The following PDS5B variants were observed in gnomAD, a reference collection of about 807,000 sequenced individuals.
The protein encoded by PDS5B is sister chromatid cohesion protein PDS5 homolog B.
Under a neutral mutation model 184.1 loss-of-function variants are expected in PDS5B, and 51 were observed. That is an observed-to-expected ratio of 0.28 (90% CI 0.22 to 0.35). The LOEUF (loss-of-function observed/expected upper bound fraction) is 0.35. Ranked by LOEUF, PDS5B falls within the 10% of genes least tolerant of loss-of-function variation. The pLI is 1.00. For synonymous variants in PDS5B, 566 were observed against 569.2 expected, an observed-to-expected ratio of 0.99 and a Z score of 0.08; for missense variants, 1,180 against 1,723.3, an observed-to-expected ratio of 0.68 and a Z score of 5.58.
chr13:32,709,832 A>G, intron 18 of PDS5B, 114 bp from the exon 19 acceptor site: 1 of 540,000 alleles, frequency 1.9e-6, no homozygotes, highest in Non-Finnish European at 2.9e-6. Context: ...ATTTTGGTCA[A>G]CATAATTTTT....
intron 14 of PDS5B, 135 bp downstream of exon 14, chr13:32,694,439 A>G: frequency 1.5e-6 from 1 of 647,996 alleles, no homozygotes; most frequent in Non-Finnish European, 2.7e-6. Flanking sequence ...TTCCTTGTTT[A>G]GAAAACTCTG....
In PDS5B at chr13:32,732,152, A is replaced by G. The variant is rs750276059; in HGVS notation, c.2175A>G (p.Gln725=). The change falls in exon 20 of 35, where the codon CAA becomes CAG. Residue 725 remains glutamine, a synonymous_variant. Coordinates refer to ENST00000315596, the MANE Select transcript of PDS5B (RefSeq NM_015032.4). ...AATCTAAAAAAGGACCCCCCCGTCA[A>G]GCCAAATATGCCATTCATTGTATCC... ...HHKSKKGPPR[Q]AKYAIHCIHA... is the part of the protein sequence containing the mutation. 4 of 1,609,002 alleles carry G rather than the reference A, an allele frequency of 2.5e-6. No individual in the cohort carries two copies. The East Asian group carries it at 6.7e-5, about 27-fold the overall frequency.
intron 1 of PDS5B, among the ~76,000 whole-genome samples, chr13:32,614,801 C>T (rs1379268281): frequency 6.6e-6 from 1 of 152,184 alleles, no homozygotes; most frequent in African/African-American, 2.4e-5. Flanking sequence ...CTCCAAATGT[C>T]AGGTTCTTTC....
At position 32,673,309 on chromosome 13, in the gene PDS5B, A is replaced by G. The variant is rs746005102; in HGVS notation, c.799A>G (p.Ser267Gly). The change falls in exon 8 of 35, where the codon AGT (serine) becomes GGT (glycine). Residue 267 changes from serine to glycine, a missense_variant. Transcript: ENST00000315596. ...AATTTTGGAGCTCTACAATATTGATAGTCATTTGCTGCTCTCTGTTTTACC... is the reference window on the plus strand; with the variant it reads ...AATTTTGGAGCTCTACAATATTGATGGTCATTTGCTGCTCTCTGTTTTACC... ...DLILELYNID[S>G]HLLLSVLPQL... is the part of the protein sequence containing the mutation. 2 of 1,612,856 alleles carry G rather than the reference A, an allele frequency of 1.2e-6. No individual in the cohort carries two copies. Among genetic ancestry groups the G allele is most frequent in the Admixed American group, 1.7e-5 (1 of 59,994 alleles).
chr13:32,598,770 C>CTT (rs756301581), intron 1 of PDS5B, among the ~76,000 whole-genome samples: 36,213 of 126,084 alleles, frequency 0.29, 5,495 homozygotes, highest in Non-Finnish European at 0.35. Flanking sequence ...TTTTTTCTCT[C>CTT]TTTTTTTTTT....
chr13:32,591,563 G>GT (rs1202692656), intron 1 of PDS5B, among the ~76,000 whole-genome samples: 1 of 152,098 alleles, frequency 6.6e-6, no homozygotes, highest in Admixed American at 6.5e-5. Context: ...CTCCTGTTGA[G>GT]TAGTACTACG....
chr13:32,629,238 A>G (rs994350728), intron 1 of PDS5B, among the ~76,000 whole-genome samples: 1 of 151,998 alleles, frequency 6.6e-6, no homozygotes, highest in African/African-American at 2.4e-5. Context: ...AGTTTGAAGA[A>G]TCATTGCTCC....
intron 9 of PDS5B, among the ~76,000 whole-genome samples, chr13:32,677,465 A>G (rs1181241579): frequency 2.0e-5 from 3 of 152,070 alleles, no homozygotes; most frequent in African/African-American, 4.8e-5. Context: ...TAAAACTTAC[A>G]CAGTATTAAA....
At chr13:32,636,226 T>C (rs2058555689) in intron 1 of PDS5B, among the ~76,000 whole-genome samples, 1 of 152,246 alleles carries the variant, frequency 6.6e-6, no homozygotes, top group Non-Finnish European at 1.5e-5. Flanking sequence ...ATCTGTAACA[T>C]AGGGATGATT....
rs1347260831 is a variant in PDS5B, at chr13:32,777,490, A to C, written c.*2438A>C. The C allele has an allele frequency of 1.3e-5, 2 of 152,148 alleles. No homozygotes were observed. The highest frequency in any genetic ancestry group is 1.3e-4 in the Admixed American group (2 of 15,202). 9.4% of individuals were successfully genotyped at this position (152,148 alleles called of 1,614,324 possible). On this transcript the variant is annotated 3_prime_UTR_variant, in exon 35 of 35. Transcript: ENST00000315596. ...AGATTTGGAGAGCCACATACTTTAC[A>C]GTAAAATTAAGTGTGTATAAAACAT...
chr13:32,701,556 C>T, intron 17 of PDS5B, 118 bp downstream of exon 17: 1 of 605,560 alleles, frequency 1.7e-6, no homozygotes, highest in Non-Finnish European at 3.0e-6. Flanking sequence ...TTGTGTACTC[C>T]TCTGTATATA....
chr13:32,650,421 A>T (rs1269727090), intron 2 of PDS5B: 1 of 152,182 alleles, frequency 6.6e-6, no homozygotes, highest in African/African-American at 2.4e-5. Flanking sequence ...ACAAATACCC[A>T]TGTAAGTTTT....
intron 6 of PDS5B, among the ~76,000 whole-genome samples, chr13:32,667,327 G>T (rs1950824411): frequency 6.6e-6 from 1 of 151,992 alleles, no homozygotes; most frequent in Non-Finnish European, 1.5e-5. Flanking sequence ...TTTTACAGCT[G>T]CCCAAAACTC....
rs1321796349 is a variant in PDS5B at position 32,750,525 on chromosome 13, T to C, written c.2737-2807T>C. On this transcript the variant is annotated intron_variant, in intron 24 of 34. Coordinates refer to ENST00000315596, the MANE Select transcript of PDS5B (RefSeq NM_015032.4). ...TGAAAACTAGACTGCTTCTTCCCCTTCCCTCCCTACAGCTAATTCCCCCCT... is the reference window on the plus strand; with the variant it reads ...TGAAAACTAGACTGCTTCTTCCCCTCCCCTCCCTACAGCTAATTCCCCCCT... 2.6e-5 allele frequency among the ~76,000 whole-genome samples: 4 copies of C among 151,986 alleles called. No individual in the cohort carries two copies. The South Asian group carries it at 8.3e-4, about 32-fold the overall frequency.
chr13:32,621,930 T>G (rs1055303877), intron 1 of PDS5B, among the ~76,000 whole-genome samples: 1 of 152,220 alleles, frequency 6.6e-6, no homozygotes, highest in African/African-American at 2.4e-5. Flanking sequence ...CAGTCTCTGG[T>G]TTGAACTATT....
At chr13:32,683,315 A>AT (rs529817272) in intron 10 of PDS5B, among the ~76,000 whole-genome samples, 2,211 of 119,874 alleles carry the variant, frequency 0.018, 24 homozygotes, top group Middle Eastern at 0.061. Context: ...GGCCTTTAAA[A>AT]TTTTTTTTTT....
chr13:32,610,703 T>A (rs1370900528), intron 1 of PDS5B, among the ~76,000 whole-genome samples: 2 of 152,128 alleles, frequency 1.3e-5, no homozygotes, highest in Admixed American at 1.3e-4. Context: ...AACTTCACTG[T>A]GTTTGAGTCC....
intron 1 of PDS5B, among the ~76,000 whole-genome samples, chr13:32,601,898 A>T (rs1214159006): frequency 2.6e-5 from 4 of 152,250 alleles, no homozygotes; most frequent in Non-Finnish European, 4.4e-5. Flanking sequence ...TTGCCAGCAC[A>T]AGTATAAGGG....
chr13:32,715,954 C>T (rs1952386873), intron 19 of PDS5B, among the ~76,000 whole-genome samples: 2 of 152,282 alleles, frequency 1.3e-5, no homozygotes, highest in Admixed American at 1.3e-4. Context: ...GTCTGGTTCA[C>T]TCAGTGCTCA....
Sources: allele counts gnomAD v4.1 joint callset (sites outside exome capture counted in the v4.1 genomes callset), GRCh38; gene constraint gnomAD v4.1.1; transcripts MANE v1.5; gene names NCBI Gene and HGNC (gene_info 2026-07-23, HGNC 2026-07-21).